Variants in FGD6 observed in about 807,000 individuals in gnomAD.
FGD6 encodes the protein FYVE, RhoGEF and PH domain-containing protein 6.
FGD6 carries 90 observed loss-of-function variants against 149.4 expected under a neutral mutation model. The ratio of observed to expected loss-of-function variants is 0.60; its 90% CI spans 0.51 to 0.72. FGD6 has a LOEUF of 0.72. Among genes scored for constraint, FGD6 ranks in the 30% least tolerant of loss-of-function variants. The pLI is 0.00. For synonymous variants in FGD6, 527 were observed against 584.0 expected (o/e 0.90, Z 1.41); for missense variants, 1,437 against 1,684.8 (o/e 0.85, Z 2.57).
chr12:95,147,699 T>C (rs1880056121), intron 5 of FGD6, among the ~76,000 whole-genome samples: 1 of 152,072 alleles, frequency 6.6e-6, no homozygotes, highest in South Asian at 2.1e-4. Flanking sequence ...TATTAAGTAG[T>C]GGGTTATTTT....
At chr12:95,150,034 T>A (rs868119611) in intron 5 of FGD6, among the ~76,000 whole-genome samples, 2 of 101,250 alleles carry the variant, frequency 2.0e-5, no homozygotes, top group East Asian at 4.6e-4. Flanking sequence ...ACACACACAC[T>A]TTTTTTTTTT....
At position 95,098,977 on chromosome 12, in the gene FGD6, C is replaced by G. The variant is rs1878331767; in HGVS notation, c.3498-4283G>C. Among the ~76,000 whole-genome samples the G allele has an allele frequency of 2.0e-5, 3 of 148,970 alleles. No individual in the cohort carries two copies. In the South Asian group the frequency reaches 6.4e-4, roughly 32 times the overall value. ...TTCTGCCTCCCAAGTTCAAGCAATT[C>G]TCCTGCCTCAGCCTCCAGAGTAGCT... is the stretch of plus-strand genomic sequence containing the variant. On this transcript the variant is annotated intron_variant, in intron 14 of 20. Transcript: ENST00000343958.
At chr12:95,213,435 T>C (rs1386815531) in intron 1 of FGD6, among the ~76,000 whole-genome samples, 1 of 152,178 alleles carries the variant, frequency 6.6e-6, no homozygotes, top group Non-Finnish European at 1.5e-5. Context: ...AAAAATAGTT[T>C]CGTAAAATGA....
intron 14 of FGD6, among the ~76,000 whole-genome samples, chr12:95,102,142 A>C (rs1391074523): frequency 6.6e-6 from 1 of 151,904 alleles, no homozygotes; most frequent in Admixed American, 6.6e-5. Flanking sequence ...GGTCATCTCT[A>C]TCTTAAAATT....
At chr12:95,109,365 C>G (rs1180678917) in intron 9 of FGD6, among the ~76,000 whole-genome samples, 2 of 152,122 alleles carry the variant, frequency 1.3e-5, no homozygotes, top group Non-Finnish European at 2.9e-5. Flanking sequence ...TCACAATGAC[C>G]AGGAAGATCC....
At chr12:95,144,937 C>T (rs1879963322) in intron 5 of FGD6, among the ~76,000 whole-genome samples, 1 of 151,412 alleles carries the variant, frequency 6.6e-6, no homozygotes, top group South Asian at 2.1e-4. Flanking sequence ...GATCTACCTG[C>T]CTCAGCCTCT....
Position 95,153,003 on chromosome 12 carries a change from A to G in FGD6, c.2587-10T>C, listed in dbSNP as rs1428615996. 3.1e-6 allele frequency: 5 copies of G among 1,612,438 alleles called. No homozygotes were observed. The highest frequency in any genetic ancestry group is 4.2e-6 in the Non-Finnish European group (5 of 1,178,698). ...TTCCATTATCTTCATCCTGTGGATA[A>G]GAGCACATTTAACATGAACTCATAA... On this transcript the variant is annotated splice_polypyrimidine_tract_variant and intron_variant, in intron 3 of 20. Coordinates refer to ENST00000343958, the MANE Select transcript of FGD6 (RefSeq NM_018351.4).
rs1877658797 is a variant in FGD6, at chr12:95,081,120, C to G, written c.*400G>C. ...AAACCAAGCACTTTGTGGAAATTTGCTCCTTGCTATGTGTTTTTTCCTTAC... is the reference window on the plus strand; with the variant it reads ...AAACCAAGCACTTTGTGGAAATTTGGTCCTTGCTATGTGTTTTTTCCTTAC... On this transcript the variant is annotated 3_prime_UTR_variant, in exon 21 of 21. Transcript: ENST00000343958. The G allele has an allele frequency of 6.5e-6, 1 of 153,134 alleles. No individual in the cohort carries two copies. The highest frequency in any genetic ancestry group is 1.5e-5 in the Non-Finnish European group (1 of 68,586). The allele number at this position is 153,134 out of a possible 1,614,324, so 9.5% of individuals were successfully genotyped here.
At chr12:95,192,496 T>C (rs1370165195) in intron 2 of FGD6, among the ~76,000 whole-genome samples, 1 of 152,218 alleles carries the variant, frequency 6.6e-6, no homozygotes, top group African/African-American at 2.4e-5. Context: ...TCATTCATTC[T>C]TTCAATAAAT....
At chr12:95,153,086 G>GT in intron 3 of FGD6, 93 bp from the exon 4 acceptor site, 2 of 1,081,896 alleles carry the variant, frequency 1.8e-6, no homozygotes, top group East Asian at 2.4e-5. Context: ...TCTGATACTT[G>GT]TAAGTTTCCT....
chr12:95,188,797 A>G (rs927810098), intron 2 of FGD6, among the ~76,000 whole-genome samples: 4 of 145,816 alleles, frequency 2.7e-5, no homozygotes, highest in African/African-American at 1.0e-4. Context: ...TTCCTTAAAA[A>G]CAACTTTTTT....
chr12:95,121,475 A>ATATATATG (rs1241269786), intron 8 of FGD6, among the ~76,000 whole-genome samples: 1 of 54,938 alleles, frequency 1.8e-5, no homozygotes, highest in Non-Finnish European at 3.5e-5. Context: ...ATATATATAT[A>ATATATATG]TATATGTATA....
intron 2 of FGD6, among the ~76,000 whole-genome samples, chr12:95,186,228 CTTTTTTTTTTTTTTTTTT>C (rs1174763781): frequency 1.8e-4 from 7 of 38,938 alleles, no homozygotes; most frequent in Non-Finnish European, 3.0e-4. Context: ...TATTCTTCTT[CTTTTTTTTTTTTTTTTTT>C]TTTTTTTTTT....
intron 2 of FGD6, among the ~76,000 whole-genome samples, chr12:95,193,435 G>T (rs1881646859): frequency 6.6e-6 from 1 of 150,926 alleles, no homozygotes; most frequent in African/African-American, 2.4e-5. Flanking sequence ...TCAGCTCACT[G>T]CAACCTCTGC....
intron 14 of FGD6, among the ~76,000 whole-genome samples, chr12:95,101,822 A>C (rs574967562): frequency 3.3e-5 from 5 of 151,364 alleles, no homozygotes; most frequent in Non-Finnish European, 7.4e-5. Context: ...AGCTGGGACT[A>C]CAGATAAGCG....
At chr12:95,123,601 C>A (rs989438551) in intron 8 of FGD6, among the ~76,000 whole-genome samples, 3 of 151,676 alleles carry the variant, frequency 2.0e-5, no homozygotes, top group Non-Finnish European at 4.4e-5. Context: ...TCTCTCTATC[C>A]CCCAGGCTGG....
At chr12:95,199,689 C>T (rs1334550543) in intron 2 of FGD6, among the ~76,000 whole-genome samples, 1 of 149,958 alleles carries the variant, frequency 6.7e-6, no homozygotes. Context: ...ACTGCAGCCT[C>T]TGTTTCCCAT....
In FGD6 at chr12:95,107,551, A is replaced by G; in HGVS notation, c.3333+12T>C. 6.2e-7 allele frequency: 1 copy of G among 1,613,868 alleles called. No homozygotes were observed. The highest frequency in any genetic ancestry group is 1.1e-5 in the South Asian group (1 of 91,082). ...TACCTCGGCCACATCAGAACTACAC[A>G]AGTCCTCTTACCAGGAAAAACATTC... On this transcript the variant is annotated intron_variant, in intron 12 of 20. Transcript: ENST00000343958.
chr12:95,095,120 A>G (rs952265577), intron 14 of FGD6, among the ~76,000 whole-genome samples: 2 of 152,342 alleles, frequency 1.3e-5, no homozygotes, highest in African/African-American at 4.8e-5. Context: ...AGAATACTAA[A>G]TATCTTTAGA....
Sources: gnomAD v4.1 joint callset for allele counts (sites outside exome capture counted in the v4.1 genomes callset) on GRCh38, gnomAD v4.1.1 for gene constraint, MANE v1.5 for transcripts, NCBI Gene and HGNC (gene_info 2026-07-23, HGNC 2026-07-21) for gene names.